Variants in GALK2 observed in about 807,000 individuals in gnomAD.
GALK2 encodes the protein galactokinase 2.
A neutral mutation model predicts 52.4 loss-of-function variants in GALK2; 36 were observed. The ratio of observed to expected loss-of-function variants is 0.69; its 90% CI spans 0.53 to 0.91. GALK2 has a LOEUF of 0.91. Ranked by LOEUF, GALK2 falls within the 40% of genes least tolerant of loss-of-function variation. GALK2 has a pLI of 0.00. For missense variants in GALK2, 579 were observed against 559.1 expected (o/e 1.04, Z -0.36); for synonymous variants, 176 against 199.1 (o/e 0.88, Z 0.98).
In GALK2 at chr15:49,327,996, G is replaced by T. The variant is rs755806512; in HGVS notation, c.1214G>T (p.Gly405Val). ...QGSRLTGAGW[G>V]GCTVSMVPAD... is the part of the protein sequence containing the mutation. The stretch of plus-strand genomic sequence containing the variant: ...TCACGACTTACTGGAGCAGGATGGG[G>T]AGGCTGCACAGTATCAATGGTACCT... Residue 405 changes from glycine to valine, a missense_variant, in exon 10 of 10, where the codon GGA (glycine) becomes GTA (valine). Coordinates refer to ENST00000560031, the MANE Select transcript of GALK2 (RefSeq NM_002044.4). 10 of 1,613,760 alleles carry T rather than the reference G, an allele frequency of 6.2e-6. No individual in the cohort carries two copies. The Admixed American group carries it at 1.7e-4, about 27-fold the overall frequency.
chr15:49,220,594 A>G (rs1383907991), intron 3 of GALK2, among the ~76,000 whole-genome samples: 1 of 152,202 alleles, frequency 6.6e-6, no homozygotes, highest in African/African-American at 2.4e-5. Flanking sequence ...TTGGATAAAT[A>G]CGCAGTATTA....
At chr15:49,177,135 A>T (rs1361971910) in intron 1 of GALK2, among the ~76,000 whole-genome samples, 1 of 151,832 alleles carries the variant, frequency 6.6e-6, no homozygotes, top group Non-Finnish European at 1.5e-5. Flanking sequence ...TTTTCTATAT[A>T]TTTTTTTAAA....
rs1325607172 is a variant in GALK2, at chr15:49,330,567, C to T, written c.*2408C>T. The T allele has an allele frequency of 6.6e-6, 1 of 152,062 alleles. No individual in the cohort carries two copies. Among genetic ancestry groups the T allele is most frequent in the East Asian group, 1.9e-4 (1 of 5,172 alleles). 9.4% of individuals were successfully genotyped at this position (152,062 alleles called of 1,614,324 possible). ...CCTTGTTAGATGAGGCATGGCTATC[C>T]AGTGCGCTACAGTTTCCACAACTGC... On this transcript the variant is annotated 3_prime_UTR_variant, in exon 10 of 10. Transcript: ENST00000560031.
rs1245122874 is a variant in GALK2 at position 49,331,210 on chromosome 15, A to G, written c.*3051A>G. The G allele has an allele frequency of 1.3e-5, 2 of 152,432 alleles. No homozygotes were observed. Among genetic ancestry groups the G allele is most frequent in the East Asian group, 1.9e-4 (1 of 5,206 alleles). The allele number at this position is 152,432 out of a possible 1,614,324, so 9.4% of individuals were successfully genotyped here. On this transcript the variant is annotated 3_prime_UTR_variant, in exon 10 of 10. Transcript: ENST00000560031. ...CTCCAATTGTCCAGCATTCAGACAT[A>G]TTGTACACTAGTCTCTACATGTTCT...
intron 3 of GALK2, among the ~76,000 whole-genome samples, chr15:49,359,199 C>T (rs1375254572): frequency 6.8e-6 from 1 of 147,536 alleles, no homozygotes; most frequent in Non-Finnish European, 1.5e-5. Context: ...ATGTCTAAAA[C>T]ACCAAAAGCA....
intron 1 of GALK2, among the ~76,000 whole-genome samples, chr15:49,164,583 T>A (rs879482456): frequency 2.6e-5 from 4 of 151,582 alleles, no homozygotes; most frequent in Non-Finnish European, 4.4e-5. Context: ...GAGTTCAAGA[T>A]CAGCCTGGCC....
chr15:49,319,637 A>C lies in GALK2; in HGVS notation c.1001A>C (p.His334Pro). The change falls in exon 9 of 10, where the codon CAT (histidine) becomes CCT (proline). Residue 334 changes from histidine to proline, a missense_variant. His to Pro is a moderately conservative substitution (Grantham distance 77, BLOSUM62 -2). Coordinates refer to ENST00000560031, the MANE Select transcript of GALK2 (RefSeq NM_002044.4). ...TTCAAACTCTATCAGCGGGCAAAGC[A>C]TGTGTACAGCGAGGCTGCGCGAGTG... The part of the protein sequence containing the change: ...LIFKLYQRAK[H>P]VYSEAARVLQ... 1.2e-6 allele frequency: 2 copies of C among 1,614,180 alleles called. No homozygotes were observed. Among genetic ancestry groups the C allele is most frequent in the Non-Finnish European group, 1.7e-6 (2 of 1,180,034 alleles).
In GALK2 at chr15:49,213,477, A is replaced by C. The variant is rs572233352; in HGVS notation, c.143-3713A>C. Among the ~76,000 whole-genome samples the C allele has an allele frequency of 2.0e-5, 3 of 152,232 alleles. No individual in the cohort carries two copies. The South Asian group carries it at 6.2e-4, about 32-fold the overall frequency. On this transcript the variant is annotated intron_variant, in intron 2 of 9. Coordinates refer to ENST00000560031, the MANE Select transcript of GALK2 (RefSeq NM_002044.4). The stretch of plus-strand genomic sequence containing the variant: ...TGTCTAGGTTTTAAGCCCCGCATGC[A>C]TTAGCTATTTGTCCTAATGCTCTTC...
At chr15:49,237,702 C>G (rs2090896186) in intron 4 of GALK2, among the ~76,000 whole-genome samples, 3 of 152,026 alleles carry the variant, frequency 2.0e-5, no homozygotes, top group Admixed American at 2.0e-4. Flanking sequence ...GTCTTGAACT[C>G]CTGACTTCGT....
intron 7 of GALK2, among the ~76,000 whole-genome samples, chr15:49,284,620 C>T (rs2141777652): frequency 6.6e-6 from 1 of 152,260 alleles, no homozygotes; most frequent in South Asian, 2.1e-4. Context: ...TTATGATCAA[C>T]CTTTACCAGG....
At position 49,290,253 on chromosome 15, in the gene GALK2, T is replaced by A. The variant is rs371037848; in HGVS notation, c.757-2074T>A. ...CAAATTTCAAAGGGCTTAAGAGGCTTTTCTATTTGACTCCCTCAATGTAGT... is the reference window on the plus strand; with the variant it reads ...CAAATTTCAAAGGGCTTAAGAGGCTATTCTATTTGACTCCCTCAATGTAGT... On this transcript the variant is annotated intron_variant, in intron 7 of 9. Transcript: ENST00000560031. 2.6e-5 allele frequency among the ~76,000 whole-genome samples: 4 copies of A among 152,338 alleles called. No individual in the cohort carries two copies. In the East Asian group the frequency reaches 7.7e-4, roughly 29 times the overall value.
At chr15:49,271,123 A>G (rs745477321) in intron 5 of GALK2, among the ~76,000 whole-genome samples, 3 of 152,218 alleles carry the variant, frequency 2.0e-5, no homozygotes, top group African/African-American at 4.8e-5. Flanking sequence ...TTAGAAGGTT[A>G]GAGCCAAAAT....
intron 5 of GALK2, among the ~76,000 whole-genome samples, chr15:49,267,177 G>A (rs1466564536): frequency 6.6e-6 from 1 of 152,172 alleles, no homozygotes; most frequent in Non-Finnish European, 1.5e-5. Context: ...AATACAGCAT[G>A]GCCAAATGGG....
At chr15:49,288,322 T>C (rs1224005469) in intron 7 of GALK2, among the ~76,000 whole-genome samples, 1 of 152,192 alleles carries the variant, frequency 6.6e-6, no homozygotes, top group Non-Finnish European at 1.5e-5. Flanking sequence ...CTGAGCTCCT[T>C]GTGGCAACAT....
intron 1 of GALK2, among the ~76,000 whole-genome samples, chr15:49,180,084 C>G (rs1306965952): frequency 6.6e-6 from 1 of 152,136 alleles, no homozygotes; most frequent in Non-Finnish European, 1.5e-5. Context: ...AAGCCATGAA[C>G]AGACTGCCTT....
At chr15:49,220,526 T>C (rs1203933291) in intron 3 of GALK2, among the ~76,000 whole-genome samples, 2 of 152,216 alleles carry the variant, frequency 1.3e-5, no homozygotes, top group African/African-American at 4.8e-5. Flanking sequence ...CTATTGTGAA[T>C]GGTACTGGAA....
intron 3 of GALK2, among the ~76,000 whole-genome samples, chr15:49,364,933 G>A (rs1424075941): frequency 6.6e-6 from 1 of 151,782 alleles, no homozygotes; most frequent in African/African-American, 2.4e-5. Flanking sequence ...TAATGTGAAG[G>A]CACAACTTTA....
intron 3 of GALK2, among the ~76,000 whole-genome samples, chr15:49,350,713 T>G (rs1246931823): frequency 1.3e-5 from 2 of 152,242 alleles, no homozygotes; most frequent in Admixed American, 1.3e-4. Flanking sequence ...CTGCACCATT[T>G]GCCTTTTATA....
intron 3 of GALK2, chr15:49,235,644 G>C: frequency 1.4e-6 from 1 of 698,668 alleles, no homozygotes; most frequent in South Asian, 1.5e-5. Context: ...AGGGTCAGTT[G>C]GAGGTAGTTT....
Sources: allele counts gnomAD v4.1 joint callset (sites outside exome capture counted in the v4.1 genomes callset), GRCh38; gene constraint gnomAD v4.1.1; transcripts MANE v1.5; gene names NCBI Gene and HGNC (gene_info 2026-07-23, HGNC 2026-07-21).